The following LHFPL1 variants were observed in gnomAD, a reference collection of about 807,000 sequenced individuals.
The protein encoded by LHFPL1 is LHFPL tetraspan subfamily member 1.
A neutral mutation model predicts 12.1 loss-of-function variants in LHFPL1; 4 were observed. The ratio of observed to expected loss-of-function variants is 0.33; its 90% CI spans 0.16 to 0.76. LHFPL1 has a LOEUF of 0.76. LHFPL1 is among the 30% of genes least tolerant of loss of function. The probability of loss-of-function intolerance (pLI) is 0.61; values close to 1 mark genes in which losing one functional copy is unlikely to be tolerated. For missense variants in LHFPL1, 141 were observed against 174.1 expected, an observed-to-expected ratio of 0.81 and a Z score of 1.07; for synonymous variants, 52 against 61.9, an observed-to-expected ratio of 0.84 and a Z score of 0.75.
chrX:112,646,887 G>A lies in LHFPL1; in HGVS notation c.481+13740C>T, dbSNP rs1384989987. ...TGACTCAAGACATACCCTCACCAAT[G>A]GAGAGGAAAAAAGTCATTGTAGCAC... On this transcript the variant is annotated intron_variant, in intron 3 of 3. Coordinates refer to ENST00000371968, the MANE Select transcript of LHFPL1 (RefSeq NM_178175.4). Among the ~76,000 whole-genome samples the A allele has an allele frequency of 4.8e-4, 54 of 111,461 alleles. No individual in the cohort carries two copies. The Admixed American group carries it at 5.1e-3, about 10-fold the overall frequency.
intron 3 of LHFPL1, among the ~76,000 whole-genome samples, chrX:112,651,655 T>C (rs943559443): frequency 2.5e-4 from 28 of 111,818 alleles, no homozygotes; most frequent in Non-Finnish European, 5.3e-4. Context: ...TTGATTACAC[T>C]TTAAAATATA....
At chrX:112,642,420 A>T (rs1396312463) in intron 3 of LHFPL1, among the ~76,000 whole-genome samples, 1 of 105,148 alleles carries the variant, frequency 9.5e-6, no homozygotes, top group East Asian at 3.1e-4. Context: ...TTGCCCAGGC[A>T]TTAACTGGAA....
At chrX:112,675,157 C>T (rs971955541) in intron 1 of LHFPL1, among the ~76,000 whole-genome samples, 7 of 111,401 alleles carry the variant, frequency 6.3e-5, no homozygotes, top group African/African-American at 2.0e-4. Context: ...ATTACAAATA[C>T]GGTGCAGTGT....
chrX:112,654,949 G>T (rs1401731533), intron 3 of LHFPL1, among the ~76,000 whole-genome samples: 1 of 111,689 alleles, frequency 9.0e-6, no homozygotes, highest in Non-Finnish European at 1.9e-5. Context: ...TCAGTTAACC[G>T]GTATGGAGGG....
intron 3 of LHFPL1, among the ~76,000 whole-genome samples, chrX:112,659,929 T>G (rs1406407299): frequency 1.8e-5 from 2 of 112,442 alleles, no homozygotes; most frequent in Non-Finnish European, 3.8e-5. Context: ...AAGCTATATG[T>G]GGTTGGATGG....
chrX:112,641,965 C>G (rs142441663), intron 3 of LHFPL1, among the ~76,000 whole-genome samples: 481 of 111,856 alleles, frequency 4.3e-3, no homozygotes, highest in African/African-American at 0.014. Context: ...TTGAAAGATA[C>G]ATTTGTCTCT....
intron 3 of LHFPL1, among the ~76,000 whole-genome samples, chrX:112,644,341 T>C (rs1930621604): frequency 9.0e-6 from 1 of 111,355 alleles, no homozygotes; most frequent in South Asian, 3.8e-4. Flanking sequence ...ATGCCTTAAG[T>C]AGATTGCTTT....
chrX:112,648,104 C>T (rs1448681061), intron 3 of LHFPL1, among the ~76,000 whole-genome samples: 2 of 98,331 alleles, frequency 2.0e-5, no homozygotes, highest in Non-Finnish European at 2.0e-5. Context: ...TGATCTCACT[C>T]ATAAGTGCTA....
chrX:112,648,244 G>A (rs1030329419), intron 3 of LHFPL1, among the ~76,000 whole-genome samples: 35 of 110,682 alleles, frequency 3.2e-4, no homozygotes, highest in Admixed American at 2.6e-3. Context: ...TGATGGGTGC[G>A]GCAAACCACC....
intron 3 of LHFPL1, among the ~76,000 whole-genome samples, chrX:112,655,158 G>T (rs989996329): frequency 2.7e-5 from 3 of 112,049 alleles, no homozygotes; most frequent in Non-Finnish European, 5.6e-5. Context: ...GAATAAGCTT[G>T]ATGTCACTTC....
chrX:112,631,501 G>A lies in LHFPL1; in HGVS notation c.582C>T (p.Pro194=), dbSNP rs372423324. 2 of 1,208,597 alleles carry A rather than the reference G, an allele frequency of 1.7e-6. No individual in the cohort carries two copies. Among genetic ancestry groups the A allele is most frequent in the African/African-American group, 3.5e-5 (2 of 56,963 alleles). Residue 194 remains proline (P), a synonymous_variant, in exon 4 of 4, where the codon CCC becomes CCT. Transcript: ENST00000371968. ...TGCTCTCCACCAATATGACAGGCTT[G>A]GGGTTTCTTCCAGCAAAGCAAGAGA... The part of the protein sequence containing the change: ...TWLSCFAGRN[P]KPVILVESIM...
intron 3 of LHFPL1, among the ~76,000 whole-genome samples, chrX:112,644,646 C>T (rs1163153421): frequency 9.0e-6 from 1 of 111,415 alleles, no homozygotes; most frequent in African/African-American, 3.3e-5. Context: ...CCAATGCTCT[C>T]TATGTGAAAA....
chrX:112,634,517 G>C (rs1308512855), intron 3 of LHFPL1, among the ~76,000 whole-genome samples: 1 of 111,782 alleles, frequency 8.9e-6, no homozygotes, highest in Non-Finnish European at 1.9e-5. Flanking sequence ...TGCTTGTCAG[G>C]TCATCCCCTC....
At chrX:112,643,067 A>C (rs1417313388) in intron 3 of LHFPL1, among the ~76,000 whole-genome samples, 4 of 96,899 alleles carry the variant, frequency 4.1e-5, no homozygotes, top group African/African-American at 1.7e-4. Flanking sequence ...GAAATACCTG[A>C]AACTGGGTAA....
intron 3 of LHFPL1, among the ~76,000 whole-genome samples, chrX:112,638,216 C>T (rs1020015679): frequency 9.0e-6 from 1 of 111,678 alleles, no homozygotes; most frequent in African/African-American, 3.3e-5. Flanking sequence ...TTAAGAGACA[C>T]TGCCCTGGCC....
chrX:112,679,164 C>T (rs934453905), intron 1 of LHFPL1, among the ~76,000 whole-genome samples: 3 of 111,107 alleles, frequency 2.7e-5, no homozygotes, highest in African/African-American at 9.9e-5. Context: ...TTCCTCACCC[C>T]TAGGCTTCAT....
In LHFPL1 at chrX:112,640,243, C is replaced by T. The variant is rs142252222; in HGVS notation, c.482-8642G>A. On this transcript the variant is annotated intron_variant, in intron 3 of 3. Transcript: ENST00000371968. The stretch of plus-strand genomic sequence containing the variant: ...TAGACTATTAGTGTGACAAGCGCTC[C>T]GATATGGACTGCCACAAGGATATAG... 5.0e-3 allele frequency among the ~76,000 whole-genome samples: 560 copies of T among 110,968 alleles called. 2 individuals carry two copies. Among genetic ancestry groups the T allele is most frequent in the African/African-American group, 0.017 (533 of 30,459 alleles).
intron 3 of LHFPL1, among the ~76,000 whole-genome samples, chrX:112,637,063 C>G (rs1930363278): frequency 8.9e-6 from 1 of 111,784 alleles, no homozygotes; most frequent in Non-Finnish European, 1.9e-5. Context: ...TGAGATAAGC[C>G]TATTCCTTTT....
At chrX:112,674,574 G>A (rs952971259) in intron 1 of LHFPL1, among the ~76,000 whole-genome samples, 21 of 104,785 alleles carry the variant, frequency 2.0e-4, no homozygotes, top group Non-Finnish European at 4.0e-4. Flanking sequence ...AATCTACAAC[G>A]AACTCAAACA....
Sources: allele counts gnomAD v4.1 joint callset (sites outside exome capture counted in the v4.1 genomes callset), GRCh38; gene constraint gnomAD v4.1.1; transcripts MANE v1.5; gene names NCBI Gene and HGNC (gene_info 2026-07-23, HGNC 2026-07-21).